Variants in UPB1 observed in about 807,000 individuals in gnomAD.
The protein encoded by UPB1 is beta-ureidopropionase 1.
Under a neutral mutation model 49.1 loss-of-function variants are expected in UPB1, and 40 were observed. The ratio of observed to expected loss-of-function variants is 0.81; its 90% CI spans 0.63 to 1.06. The LOEUF (loss-of-function observed/expected upper bound fraction) is 1.06, where lower values mean the gene tolerates loss of function less well. Among genes scored for constraint, UPB1 ranks in the 50% least tolerant of loss-of-function variants. UPB1 has a pLI of 0.00. For synonymous variants in UPB1, 207 were observed against 198.2 expected, an observed-to-expected ratio of 1.04 and a Z score of -0.38; for missense variants, 499 against 505.9, an observed-to-expected ratio of 0.99 and a Z score of 0.13.
chr22:24,510,708 G>A (rs2044183130), intron 3 of UPB1, 41 bp from the exon 4 acceptor site: 1 of 1,600,186 alleles, frequency 6.2e-7, no homozygotes, highest in Admixed American at 1.7e-5. Context: ...CTCAGAGGCT[G>A]TGCATGTTGG....
At chr22:24,504,239 G>A (rs1230682951) in intron 3 of UPB1, among the ~76,000 whole-genome samples, 1 of 152,218 alleles carries the variant, frequency 6.6e-6, no homozygotes. Context: ...AGTTCCCTGA[G>A]GAAGAACACA....
rs1026346947 is a variant in UPB1, at chr22:24,526,008, A to G, written c.*214A>G. On this transcript the variant is annotated 3_prime_UTR_variant, in exon 10 of 10. Transcript: ENST00000326010. The stretch of plus-strand genomic sequence containing the variant: ...TATTGGAAATGTTTGGGGACTAGGT[A>G]GAGGTGAATGTACTAAATGCCACTG... The G allele has an allele frequency of 4.9e-6, 3 of 611,672 alleles. No individual in the cohort carries two copies. The highest frequency in any genetic ancestry group is 5.8e-5 in the East Asian group (2 of 34,700). The allele number at this position is 611,672 out of a possible 1,614,324, so 37.9% of individuals were successfully genotyped here. A position where few individuals can be genotyped will look rare whatever the true frequency, so the allele number is the denominator to read the frequency against.
Position 24,513,407 on chromosome 22 carries a change from C to T in UPB1, c.543C>T (p.Ala181=), listed in dbSNP as rs773296277. 1.5e-5 allele frequency: 24 copies of T among 1,614,058 alleles called. No individual in the cohort carries two copies. The Admixed American group carries it at 2.0e-4, about 13-fold the overall frequency. The change falls in exon 5 of 10, where the codon GCC becomes GCT. Residue 181 remains alanine (A), a synonymous_variant. Transcript: ENST00000326010. ...ATGGGGATGTTTTGTGGAATACAGC[C>T]GTGGTGATCTCCAATTCCGGAGCAG... is the stretch of plus-strand genomic sequence containing the variant. The part of the protein sequence containing the change: ...SEHGDVLWNT[A]VVISNSGAVL...
chr22:24,511,619 T>TA (rs140327), intron 4 of UPB1, among the ~76,000 whole-genome samples: 6,847 of 94,984 alleles, frequency 0.072, 392 homozygotes, highest in African/African-American at 0.18. Context: ...TATATATATA[T>TA]TTTTTTTTTT....
At chr22:24,519,372 T>G (rs1457917001) in intron 6 of UPB1, among the ~76,000 whole-genome samples, 5 of 152,128 alleles carry the variant, frequency 3.3e-5, no homozygotes, top group African/African-American at 1.2e-4. Context: ...TAAGTGGGCA[T>G]TACTCCTGTC....
At chr22:24,520,614 T>G in intron 7 of UPB1, 146 bp downstream of exon 7, 23 of 884,062 alleles carry the variant, frequency 2.6e-5, no homozygotes, top group Non-Finnish European at 3.9e-5. Flanking sequence ...AAGATATCTC[T>G]GTCCTCCTGT....
intron 4 of UPB1, among the ~76,000 whole-genome samples, chr22:24,511,227 C>T (rs1181671474): frequency 6.6e-6 from 1 of 152,186 alleles, no homozygotes; most frequent in Non-Finnish European, 1.5e-5. Context: ...AGCTTCGATG[C>T]ATGGCCTGTG....
intron 1 of UPB1, among the ~76,000 whole-genome samples, chr22:24,496,202 T>G (rs2043871797): frequency 6.6e-6 from 1 of 152,028 alleles, no homozygotes; most frequent in South Asian, 2.1e-4. Context: ...GACACCCATC[T>G]CTATAAAGCA....
At chr22:24,509,361 G>GAAA (rs202081655) in intron 3 of UPB1, among the ~76,000 whole-genome samples, 78 of 92,164 alleles carry the variant, frequency 8.5e-4, no homozygotes, top group African/African-American at 9.8e-4. Flanking sequence ...CCTACTGTTT[G>GAAA]AAAAAAAAAA....
chr22:24,521,424 G>A (rs1010629016), intron 7 of UPB1, among the ~76,000 whole-genome samples: 3 of 151,764 alleles, frequency 2.0e-5, no homozygotes, highest in South Asian at 2.1e-4. Flanking sequence ...TGGAAGAGCC[G>A]CGGTCGCATC....
In UPB1 at chr22:24,498,871, C is replaced by T. The variant is rs565194865; in HGVS notation, c.105-1236C>T. Among the ~76,000 whole-genome samples the T allele has an allele frequency of 2.0e-5, 3 of 152,382 alleles. No individual in the cohort carries two copies. In the South Asian group the frequency reaches 6.2e-4, roughly 32 times the overall value. ...CGAGGGAATAGACACATAAGCCTTG[C>T]TCCTTTTTCTCCTGGTGTCTGCCCA... On this transcript the variant is annotated intron_variant, in intron 1 of 9. Coordinates refer to ENST00000326010, the MANE Select transcript of UPB1 (RefSeq NM_016327.3).
At chr22:24,514,611 G>A (rs752703314) in intron 5 of UPB1, among the ~76,000 whole-genome samples, 25 of 152,198 alleles carry the variant, frequency 1.6e-4, no homozygotes, top group Non-Finnish European at 3.4e-4. Context: ...GAGAAGCAGG[G>A]ATGGGAGGAT....
At chr22:24,524,981 G>C (rs1038301385) in intron 9 of UPB1, among the ~76,000 whole-genome samples, 1 of 152,174 alleles carries the variant, frequency 6.6e-6, no homozygotes, top group African/African-American at 2.4e-5. Context: ...GGGCATGAGA[G>C]AGTCTCCTGA....
intron 3 of UPB1, 96 bp downstream of exon 3, chr22:24,502,309 T>C: frequency 7.6e-7 from 1 of 1,323,056 alleles, no homozygotes; most frequent in Non-Finnish European, 1.1e-6. Context: ...TTTTAAAGAA[T>C]CTCCTTTGTT....
chr22:24,502,413 C>T (rs764919629), intron 3 of UPB1, 200 bp downstream of exon 3: 1 of 787,928 alleles, frequency 1.3e-6, no homozygotes, highest in Non-Finnish European at 2.4e-6. Flanking sequence ...CTTCAGTTTT[C>T]CCACATCGTT....
intron 5 of UPB1, 137 bp downstream of exon 5, chr22:24,513,622 G>A (rs547265146): frequency 1.7e-5 from 21 of 1,223,820 alleles, no homozygotes; most frequent in Non-Finnish European, 2.3e-5. Context: ...GGAGCACAGT[G>A]TGGCTGCAGT....
intron 4 of UPB1, among the ~76,000 whole-genome samples, chr22:24,513,111 C>G (rs572026881): frequency 6.6e-6 from 1 of 152,298 alleles, no homozygotes; most frequent in Non-Finnish European, 1.5e-5. Flanking sequence ...TCCAGAGCAG[C>G]TGCACCATTT....
At chr22:24,502,610 T>C in intron 3 of UPB1, 5 of 706,688 alleles carry the variant, frequency 7.1e-6, no homozygotes, top group Non-Finnish European at 1.3e-5. Flanking sequence ...TGTACCTTTG[T>C]GGTTTTTATT....
chr22:24,525,063 G>A (rs2044459635), intron 9 of UPB1, among the ~76,000 whole-genome samples: 1 of 152,188 alleles, frequency 6.6e-6, no homozygotes, highest in African/African-American at 2.4e-5. Context: ...AGCCAAGAAT[G>A]CTGGCCAACT....
Sources: gnomAD v4.1 joint callset for allele counts (sites outside exome capture counted in the v4.1 genomes callset) on GRCh38, gnomAD v4.1.1 for gene constraint, MANE v1.5 for transcripts, NCBI Gene and HGNC (gene_info 2026-07-23, HGNC 2026-07-21) for gene names.